Variants in LRGUK observed in about 807,000 individuals in gnomAD.
LRGUK encodes leucine rich repeats and guanylate kinase domain containing.
Under a neutral mutation model 76.0 loss-of-function variants are expected in LRGUK, and 65 were observed. The ratio of observed to expected loss-of-function variants is 0.85; its 90% CI spans 0.70 to 1.05. The LOEUF (loss-of-function observed/expected upper bound fraction) is 1.05, where lower values mean the gene tolerates loss of function less well. LRGUK is among the 50% of genes least tolerant of loss of function. The pLI, the probability that LRGUK is intolerant of heterozygous loss-of-function variation, is 0.00. For missense variants in LRGUK, 758 were observed against 732.8 expected (o/e 1.03, Z -0.40); for synonymous variants, 268 against 265.6 (o/e 1.01, Z -0.09).
At chr7:134,174,182 G>A (rs779040432) in intron 7 of LRGUK, among the ~76,000 whole-genome samples, 29 of 152,004 alleles carry the variant, frequency 1.9e-4, no homozygotes, top group Admixed American at 4.6e-4. Context: ...AGGAAGTTGG[G>A]GGGCTGGAAG....
intron 3 of LRGUK, chr7:134,141,509 G>A (rs548096265): frequency 2.6e-4 from 40 of 152,448 alleles, no homozygotes; most frequent in African/African-American, 7.5e-4. Context: ...GCCAGCTCAA[G>A]TTCAATGTCC....
At chr7:134,153,158 A>G (rs1458326270) in intron 5 of LRGUK, among the ~76,000 whole-genome samples, 1 of 152,074 alleles carries the variant, frequency 6.6e-6, no homozygotes, top group Admixed American at 6.6e-5. Flanking sequence ...CTCTATGTAA[A>G]AATTTAAAAA....
intron 18 of LRGUK, among the ~76,000 whole-genome samples, chr7:134,253,751 G>A (rs1802503635): frequency 6.6e-6 from 1 of 152,192 alleles, no homozygotes; most frequent in Non-Finnish European, 1.5e-5. Context: ...GGAGGCAGAG[G>A]TTGCAGTGAG....
intron 4 of LRGUK, among the ~76,000 whole-genome samples, chr7:134,143,650 T>C (rs1797859219): frequency 6.6e-6 from 1 of 152,150 alleles, no homozygotes; most frequent in Admixed American, 6.5e-5. Flanking sequence ...TTTGCCCTTT[T>C]ATTTATCTAA....
chr7:134,205,756 T>C (rs2117107349), intron 15 of LRGUK, among the ~76,000 whole-genome samples: 1 of 152,314 alleles, frequency 6.6e-6, no homozygotes, highest in East Asian at 1.9e-4. Context: ...AGCTCCCATT[T>C]CTTAAAATAA....
intron 11 of LRGUK, among the ~76,000 whole-genome samples, chr7:134,184,812 A>G (rs573433700): frequency 6.6e-6 from 1 of 152,236 alleles, no homozygotes; most frequent in Non-Finnish European, 1.5e-5. Context: ...CTCAGCCCAA[A>G]TCACCCTCCA....
At chr7:134,198,613 A>G (rs1325307802) in intron 13 of LRGUK, among the ~76,000 whole-genome samples, 1 of 152,188 alleles carries the variant, frequency 6.6e-6, no homozygotes, top group Non-Finnish European at 1.5e-5. Context: ...GAGAACTTGA[A>G]GGATTTGTGC....
At chr7:134,228,211 G>A (rs1801807820) in intron 16 of LRGUK, among the ~76,000 whole-genome samples, 1 of 152,110 alleles carries the variant, frequency 6.6e-6, no homozygotes, top group Non-Finnish European at 1.5e-5. Context: ...TATCTTTAAG[G>A]TGATAACTTA....
In LRGUK at chr7:134,183,863, T is replaced by A; in HGVS notation, c.1334+10T>A. ...CTTACTTCAGATATGGGTAAGTTTG[T>A]TTATTGGCTTGTTAAGACTTGGAAA... On this transcript the variant is annotated intron_variant, in intron 11 of 15. Coordinates refer to ENST00000645682, the Ensembl canonical transcript of LRGUK. The A allele has an allele frequency of 6.2e-7, 1 of 1,613,340 alleles. No homozygotes were observed. Among genetic ancestry groups the A allele is most frequent in the Non-Finnish European group, 8.5e-7 (1 of 1,179,632 alleles).
chr7:134,150,889 T>C (rs1798196532), intron 5 of LRGUK, among the ~76,000 whole-genome samples: 1 of 152,132 alleles, frequency 6.6e-6, no homozygotes, highest in African/African-American at 2.4e-5. Context: ...AAAGCTGTAA[T>C]TATTACATCA....
At position 134,178,497 on chromosome 7, in the gene LRGUK, GA is replaced by G; in HGVS notation, c.1108-2del. On this transcript the variant is annotated splice_polypyrimidine_tract_variant and splice_region_variant and intron_variant, in intron 9 of 15. Transcript: ENST00000645682. ...TTTCCCTTTTACATCTCTAATTCTG[GA>G]AAAGGTTTCAGCAGTGAATAAATAT... 1.3e-6 allele frequency: 2 copies of G among 1,594,888 alleles called. No individual in the cohort carries two copies. Among genetic ancestry groups the G allele is most frequent in the Non-Finnish European group, 1.7e-6 (2 of 1,171,816 alleles).
At chr7:134,251,378 TGA>T (rs1207695862) in intron 18 of LRGUK, among the ~76,000 whole-genome samples, 1 of 152,148 alleles carries the variant, frequency 6.6e-6, no homozygotes, top group Non-Finnish European at 1.5e-5. Context: ...CCGGAAGTGA[TGA>T]GAGAGGCCCG....
At chr7:134,195,417 G>A (rs189185397) in intron 12 of LRGUK, among the ~76,000 whole-genome samples, 4 of 152,218 alleles carry the variant, frequency 2.6e-5, no homozygotes, top group Non-Finnish European at 5.9e-5. Flanking sequence ...GCCCAAGAAT[G>A]AACAAGAACA....
intron 11 of LRGUK, among the ~76,000 whole-genome samples, chr7:134,184,244 A>C (rs1799884374): frequency 6.6e-6 from 1 of 152,066 alleles, no homozygotes; most frequent in African/African-American, 2.4e-5. Context: ...GCCATATAGC[A>C]GGAAGAAACA....
chr7:134,197,681 C>G (rs996323350), intron 13 of LRGUK, among the ~76,000 whole-genome samples: 1 of 152,144 alleles, frequency 6.6e-6, no homozygotes, highest in Non-Finnish European at 1.5e-5. Flanking sequence ...CAATTTAGAC[C>G]TGTAGATGTC....
intron 1 of LRGUK, among the ~76,000 whole-genome samples, chr7:134,133,621 T>A (rs1797400122): frequency 6.6e-6 from 1 of 152,148 alleles, no homozygotes; most frequent in Admixed American, 6.6e-5. Flanking sequence ...CTATAGAGAT[T>A]TTTTTCCCCC....
rs1256682611 is a variant in LRGUK, at chr7:134,139,588, T to C, written c.487+71T>C. The C allele has an allele frequency of 6.6e-6, 6 of 910,140 alleles. No homozygotes were observed. In the Admixed American group the frequency reaches 1.3e-4, roughly 20 times the overall value. 56.4% of individuals were successfully genotyped at this position (910,140 alleles called of 1,614,324 possible). ...TTAAACGTTGCAGTATGTAATATGG[T>C]TTAATAATGCCAGACTTGATATCAC... On this transcript the variant is annotated intron_variant, in intron 3 of 15. Transcript: ENST00000645682.
chr7:134,216,111 A>T lies in LRGUK; in HGVS notation c.1844-5668A>T, dbSNP rs568842619. Among the ~76,000 whole-genome samples, 112 of 152,320 alleles carry T rather than the reference A, an allele frequency of 7.4e-4. 1 individual carries two copies. Among genetic ancestry groups the T allele is most frequent in the Non-Finnish European group, 1.1e-3 (78 of 68,022 alleles). ...AGTTCTAATGTATAAAATGGAGGTA[A>T]TAATAGTACCTACCTCAGTATTTTT... On this transcript the variant is annotated intron_variant, in intron 15 of 19. Transcript: ENST00000285928.
chr7:134,248,690 A>T (rs1245238474), intron 17 of LRGUK, among the ~76,000 whole-genome samples: 2 of 152,198 alleles, frequency 1.3e-5, no homozygotes, highest in Non-Finnish European at 2.9e-5. Context: ...CCAGGAAGAT[A>T]ATTTGCCTAT....
Sources: gnomAD v4.1 joint callset for allele counts (sites outside exome capture counted in the v4.1 genomes callset) on GRCh38, gnomAD v4.1.1 for gene constraint, MANE v1.5 for transcripts, NCBI Gene and HGNC (gene_info 2026-07-23, HGNC 2026-07-21) for gene names.